ARMH3: variants seen among roughly 807,000 people sequenced by gnomAD.
The protein encoded by ARMH3 is armadillo-like helical domain-containing protein 3.
ARMH3 carries 60 observed loss-of-function variants against 99.1 expected under a neutral mutation model. The ratio of observed to expected loss-of-function variants is 0.61; its 90% CI spans 0.49 to 0.75. The LOEUF is 0.75. Ranked by LOEUF, ARMH3 falls within the 30% of genes least tolerant of loss-of-function variation. The pLI is 0.00. For synonymous variants in ARMH3, 285 were observed against 292.8 expected, an observed-to-expected ratio of 0.97 and a Z score of 0.27; for missense variants, 679 against 843.1, an observed-to-expected ratio of 0.81 and a Z score of 2.41.
chr10:101,872,925 G>A (rs1475316535), intron 24 of ARMH3, among the ~76,000 whole-genome samples: 7 of 147,844 alleles, frequency 4.7e-5, no homozygotes, highest in Admixed American at 1.3e-4. Context: ...GCCACTGCAC[G>A]CCAGCATGTG....
chr10:101,853,719 G>A (rs1440683662), intron 24 of ARMH3, among the ~76,000 whole-genome samples: 1 of 152,200 alleles, frequency 6.6e-6, no homozygotes, highest in African/African-American at 2.4e-5. Flanking sequence ...CTCAAAGCCA[G>A]TAAGTCACCT....
At chr10:102,007,910 G>C (rs1017123374) in intron 13 of ARMH3, among the ~76,000 whole-genome samples, 1 of 151,220 alleles carries the variant, frequency 6.6e-6, no homozygotes, top group Non-Finnish European at 1.5e-5. Flanking sequence ...ACAAAAGTGT[G>C]TGTGCCTTCA....
chr10:101,878,596 G>A (rs548265261), intron 24 of ARMH3, among the ~76,000 whole-genome samples: 30 of 151,722 alleles, frequency 2.0e-4, no homozygotes, highest in African/African-American at 6.3e-4. Flanking sequence ...CTAGAATCGT[G>A]TCACTGCACT....
intron 2 of ARMH3, among the ~76,000 whole-genome samples, chr10:102,035,828 C>T (rs2067243977): frequency 6.6e-6 from 1 of 152,246 alleles, no homozygotes; most frequent in South Asian, 2.1e-4. Context: ...GCCGCCACCC[C>T]GACTGGGAAG....
At chr10:102,053,265 A>C (rs1590247765) in intron 1 of ARMH3, among the ~76,000 whole-genome samples, 1 of 146,528 alleles carries the variant, frequency 6.8e-6, no homozygotes, top group Non-Finnish European at 1.5e-5. Context: ...ATGACTCCCC[A>C]CTTTCTTTTC....
intron 1 of ARMH3, among the ~76,000 whole-genome samples, chr10:102,049,000 CT>C (rs35877711): frequency 0.059 from 8,657 of 147,784 alleles, 364 homozygotes; most frequent in Non-Finnish European, 0.088. Context: ...CTCTCACTTT[CT>C]TTTTTTTTTT....
chr10:101,962,127 G>A lies in ARMH3; in HGVS notation c.1496-4395C>T, dbSNP rs571107656. 3.9e-5 allele frequency among the ~76,000 whole-genome samples: 6 copies of A among 152,318 alleles called. No individual in the cohort carries two copies. The South Asian group carries it at 1.0e-3, about 26-fold the overall frequency. On this transcript the variant is annotated intron_variant, in intron 20 of 25. Coordinates refer to ENST00000370033, the MANE Select transcript of ARMH3 (RefSeq NM_024541.3). ...CTGTGTAAACAGCTTTGCCCATTAG[G>A]TGAGCAATGGCTGCTCACTCCCTCA...
chr10:101,889,568 C>T, intron 23 of ARMH3, 78 bp from the exon 24 acceptor site: 2 of 1,337,136 alleles, frequency 1.5e-6, no homozygotes. Context: ...GGATCAAGTA[C>T]CCTCTGGTTT....
intron 19 of ARMH3, among the ~76,000 whole-genome samples, chr10:101,985,270 G>GT (rs1268174472): frequency 6.9e-6 from 1 of 144,146 alleles, no homozygotes; most frequent in Non-Finnish European, 1.5e-5. Context: ...GTGTATATAC[G>GT]TATGTGTATA....
intron 19 of ARMH3, among the ~76,000 whole-genome samples, chr10:101,986,668 G>A (rs539043115): frequency 7.0e-4 from 107 of 152,180 alleles, no homozygotes; most frequent in African/African-American, 2.5e-3. Flanking sequence ...GTATACTGCC[G>A]AAAAGGGGTA....
chr10:101,931,886 C>A (rs1843737786), intron 23 of ARMH3, among the ~76,000 whole-genome samples: 2 of 152,080 alleles, frequency 1.3e-5, no homozygotes, highest in African/African-American at 4.8e-5. Context: ...AAAACATAAG[C>A]AACAAGCGAA....
At chr10:102,011,657 T>G in intron 11 of ARMH3, 66 bp downstream of exon 11, 1 of 1,364,216 alleles carries the variant, frequency 7.3e-7, no homozygotes, top group Non-Finnish European at 1.0e-6. Context: ...GGAGCCCGAT[T>G]TGTCCACCCC....
chr10:102,051,390 T>G (rs1298218897), intron 1 of ARMH3, among the ~76,000 whole-genome samples: 3 of 151,270 alleles, frequency 2.0e-5, no homozygotes, highest in Non-Finnish European at 2.9e-5. Context: ...GGAGAATCAC[T>G]TGAACCCAAG....
chr10:101,968,603 A>C (rs1845637392), intron 20 of ARMH3, among the ~76,000 whole-genome samples: 1 of 152,228 alleles, frequency 6.6e-6, no homozygotes, highest in Non-Finnish European at 1.5e-5. Flanking sequence ...AAGTGACTGC[A>C]TGCACAGAGA....
intron 22 of ARMH3, among the ~76,000 whole-genome samples, chr10:101,948,860 A>G (rs1360531586): frequency 6.6e-6 from 1 of 152,212 alleles, no homozygotes; most frequent in Non-Finnish European, 1.5e-5. Flanking sequence ...ATGTCTCAAT[A>G]AATTTTGAAG....
intron 23 of ARMH3, among the ~76,000 whole-genome samples, chr10:101,910,731 CAAA>C (rs1227264596): frequency 1.3e-5 from 1 of 77,600 alleles, no homozygotes; most frequent in Admixed American, 1.5e-4. Flanking sequence ...GACTCCATCT[CAAA>C]AAAAAAAAAA....
rs529124950 is a variant in ARMH3, at chr10:102,003,249, G to A, written c.1049-1177C>T. Among the ~76,000 whole-genome samples, 119 of 151,812 alleles carry A rather than the reference G, an allele frequency of 7.8e-4. 1 individual carries two copies. The highest frequency in any genetic ancestry group is 7.2e-3 in the Admixed American group (109 of 15,228). On this transcript the variant is annotated intron_variant, in intron 14 of 25. Coordinates refer to ENST00000370033, the MANE Select transcript of ARMH3 (RefSeq NM_024541.3). ...GCCATCTCAGCTCACTGCAACCTCC[G>A]TCTCCTGGGTTCAAGCAATTCTCCT...
chr10:101,963,903 G>A (rs1449119841), intron 20 of ARMH3, among the ~76,000 whole-genome samples: 1 of 145,724 alleles, frequency 6.9e-6, no homozygotes, highest in East Asian at 2.0e-4. Context: ...TTGAGACGGA[G>A]TCTTGCTCTG....
intron 24 of ARMH3, among the ~76,000 whole-genome samples, chr10:101,887,502 TCACCTCAGCTCC>T (rs1431012729): frequency 6.6e-6 from 1 of 151,784 alleles, no homozygotes; most frequent in African/African-American, 2.4e-5. Context: ...CTCCCTGGGT[TCACCTCAGCTCC>T]CACCTCAGCC....
Sources: gnomAD v4.1 joint callset for allele counts (sites outside exome capture counted in the v4.1 genomes callset) on GRCh38, gnomAD v4.1.1 for gene constraint, MANE v1.5 for transcripts, NCBI Gene and HGNC (gene_info 2026-07-23, HGNC 2026-07-21) for gene names.